The following NAALADL2 variants were observed in gnomAD, a reference collection of about 807,000 sequenced individuals.
NAALADL2 encodes the protein N-acetylated alpha-linked acidic dipeptidase like 2.
NAALADL2 carries 76 observed loss-of-function variants against 87.2 expected under a neutral mutation model. The ratio of observed to expected loss-of-function variants is 0.87; its 90% CI spans 0.72 to 1.05. The LOEUF (loss-of-function observed/expected upper bound fraction) is 1.05, where lower values mean the gene tolerates loss of function less well. NAALADL2 is among the 50% of genes least tolerant of loss of function. The pLI is 0.00. For missense variants in NAALADL2, 1,089 were observed against 945.8 expected, an observed-to-expected ratio of 1.15 and a Z score of -1.99; for synonymous variants, 354 against 331.0, an observed-to-expected ratio of 1.07 and a Z score of -0.75.
chr3:174,669,041 G>T (rs1245921280), intron 2 of NAALADL2, among the ~76,000 whole-genome samples: 1 of 152,074 alleles, frequency 6.6e-6, no homozygotes, highest in Non-Finnish European at 1.5e-5. Context: ...CACCAACAGT[G>T]TAAAAGTGTT....
intron 10 of NAALADL2, among the ~76,000 whole-genome samples, chr3:175,626,865 C>A (rs1206884013): frequency 6.6e-6 from 1 of 151,754 alleles, no homozygotes; most frequent in Non-Finnish European, 1.5e-5. Flanking sequence ...ATTTTAACTA[C>A]CATGTAAATG....
chr3:174,657,547 C>A (rs980022165), intron 2 of NAALADL2, among the ~76,000 whole-genome samples: 3 of 152,042 alleles, frequency 2.0e-5, no homozygotes, highest in Admixed American at 2.0e-4. Context: ...TATGCCTGTG[C>A]CCCCACACAT....
intron 4 of NAALADL2, among the ~76,000 whole-genome samples, chr3:175,262,843 G>A (rs1385577217): frequency 1.3e-5 from 2 of 151,692 alleles, no homozygotes; most frequent in Admixed American, 6.6e-5. Flanking sequence ...ATCTGTATAG[G>A]AAGGCAAACT....
intron 4 of NAALADL2, among the ~76,000 whole-genome samples, chr3:175,288,622 G>A (rs940510119): frequency 2.7e-5 from 4 of 149,288 alleles, no homozygotes; most frequent in African/African-American, 5.2e-5. Flanking sequence ...GTAGACTTAC[G>A]TCCAAGTGGT....
At position 175,452,741 on chromosome 3, in the gene NAALADL2, A is replaced by G. The variant is rs553379126; in HGVS notation, c.1234+5369A>G. Among the ~76,000 whole-genome samples the G allele has an allele frequency of 2.0e-5, 3 of 152,314 alleles. No individual in the cohort carries two copies. In the East Asian group the frequency reaches 5.8e-4, roughly 29 times the overall value. Reference sequence around the variant, plus strand: ...GGAGTATTCCGTAGAACTAAAGATCAACATTCATGAGCTGCCAGTCGGAAG... The same window carrying G: ...GGAGTATTCCGTAGAACTAAAGATCGACATTCATGAGCTGCCAGTCGGAAG... On this transcript the variant is annotated intron_variant, in intron 6 of 13. Transcript: ENST00000454872.
Position 174,508,048 on chromosome 3 carries a change from G to GTTTC in NAALADL2, c.-183-42520_-183-42517dup, listed in dbSNP as rs1363878303. On this transcript the variant is annotated intron_variant, in intron 1 of 3. Transcript: ENST00000434257. ...CTAGCAATGTATGAGAATTCTAGGTGTTTCACATGCTTGCCAACACTTAGT... is the reference window on the plus strand; with the variant it reads ...CTAGCAATGTATGAGAATTCTAGGTGTTTCTTTCACATGCTTGCCAACACTTAGT... Among the ~76,000 whole-genome samples the GTTTC allele has an allele frequency of 9.5e-5, 14 of 147,466 alleles. No homozygotes were observed. In the South Asian group the frequency reaches 2.8e-3, roughly 30 times the overall value.
intron 12 of NAALADL2, among the ~76,000 whole-genome samples, chr3:175,738,145 A>G (rs1317700419): frequency 6.6e-6 from 1 of 152,200 alleles, no homozygotes; most frequent in African/African-American, 2.4e-5. Context: ...ACTACTTCTC[A>G]ATAAAAAAGT....
intron 1 of NAALADL2, among the ~76,000 whole-genome samples, chr3:175,080,863 T>A (rs1221058400): frequency 6.6e-6 from 1 of 152,218 alleles, no homozygotes; most frequent in Non-Finnish European, 1.5e-5. Flanking sequence ...CTATGTTGTG[T>A]AATTTTAAAG....
intron 9 of NAALADL2, among the ~76,000 whole-genome samples, chr3:175,562,529 A>G (rs1159763183): frequency 6.6e-6 from 1 of 151,854 alleles, no homozygotes; most frequent in Non-Finnish European, 1.5e-5. Flanking sequence ...TTCCAATCAC[A>G]GATTTATCTT....
chr3:175,567,576 TAGA>T (rs1717377805), intron 9 of NAALADL2, among the ~76,000 whole-genome samples: 1 of 152,168 alleles, frequency 6.6e-6, no homozygotes, highest in Non-Finnish European at 1.5e-5. Context: ...TTGTGTAGAC[TAGA>T]AGATTAGCAA....
At chr3:175,031,653 T>A (rs1752813337) in intron 1 of NAALADL2, among the ~76,000 whole-genome samples, 1 of 152,096 alleles carries the variant, frequency 6.6e-6, no homozygotes. Context: ...GATTGCTGGA[T>A]CAAATGGTAG....
chr3:175,129,605 A>G (rs1314126818), intron 2 of NAALADL2, among the ~76,000 whole-genome samples: 1 of 152,194 alleles, frequency 6.6e-6, no homozygotes, highest in Non-Finnish European at 1.5e-5. Flanking sequence ...TTTCAGATTA[A>G]GATATGTTAT....
chr3:175,130,946 C>A lies in NAALADL2; in HGVS notation c.545+33655C>A, dbSNP rs114736802. Among the ~76,000 whole-genome samples, 1,147 of 152,178 alleles carry A rather than the reference C, an allele frequency of 7.5e-3. 13 individuals carry two copies. Among genetic ancestry groups the A allele is most frequent in the African/African-American group, 0.026 (1,081 of 41,526 alleles). ...ATTTTTTCTATTTCTGTGACAAATG[C>A]CATTGGAATTTTGATAGGGATTGCA... On this transcript the variant is annotated intron_variant, in intron 2 of 13. Transcript: ENST00000454872.
chr3:174,583,531 A>G (rs1344912391), intron 2 of NAALADL2, among the ~76,000 whole-genome samples: 1 of 152,206 alleles, frequency 6.6e-6, no homozygotes, highest in African/African-American at 2.4e-5. Context: ...AAGCATTTAC[A>G]GTAAGTGTTT....
intron 1 of NAALADL2, among the ~76,000 whole-genome samples, chr3:174,987,430 G>T (rs1224925937): frequency 6.8e-6 from 1 of 147,430 alleles, no homozygotes; most frequent in Non-Finnish European, 1.5e-5. Flanking sequence ...TTAGCCGGGC[G>T]TAGTGGCGGG....
intron 4 of NAALADL2, among the ~76,000 whole-genome samples, chr3:175,284,186 G>GGT (rs573018148): frequency 3.5e-5 from 5 of 142,712 alleles, no homozygotes; most frequent in African/African-American, 1.0e-4. Context: ...TTTACACTGT[G>GGT]TTTTTTTTTT....
chr3:174,883,083 G>T (rs560801646), intron 1 of NAALADL2, among the ~76,000 whole-genome samples: 2 of 151,984 alleles, frequency 1.3e-5, no homozygotes, highest in Non-Finnish European at 2.9e-5. Flanking sequence ...CAGCATGGGG[G>T]AAAGATGTAG....
At chr3:175,541,275 A>G (rs1712275584) in intron 9 of NAALADL2, among the ~76,000 whole-genome samples, 2 of 152,346 alleles carry the variant, frequency 1.3e-5, no homozygotes, top group Admixed American at 1.3e-4. Flanking sequence ...AGAATGTACA[A>G]ATGTTCCTCA....
intron 3 of NAALADL2, among the ~76,000 whole-genome samples, chr3:174,754,020 T>C (rs1711626670): frequency 1.3e-5 from 2 of 152,174 alleles, no homozygotes; most frequent in Non-Finnish European, 2.9e-5. Flanking sequence ...ATCTCAACTT[T>C]TATCCTCCCA....
Sources: allele counts gnomAD v4.1 joint callset (sites outside exome capture counted in the v4.1 genomes callset), GRCh38; gene constraint gnomAD v4.1.1; transcripts MANE v1.5; gene names NCBI Gene and HGNC (gene_info 2026-07-23, HGNC 2026-07-21).